FREM1: variants seen among roughly 807,000 people sequenced by gnomAD.
The protein encoded by FREM1 is FRAS1 related extracellular matrix 1.
A neutral mutation model predicts 210.1 loss-of-function variants in FREM1; 220 were observed. The observed-to-expected ratio is 1.05, with a 90% CI of 0.94 to 1.17. The LOEUF is 1.17. Among genes scored for constraint, FREM1 ranks in the 50% most tolerant of loss-of-function variants. The pLI is 0.00. For synonymous variants in FREM1, 1,189 were observed against 980.2 expected (o/e 1.21, Z -3.98); for missense variants, 3,454 against 2,675.5 (o/e 1.29, Z -6.42).
At chr9:14,898,344 C>T (rs889956186) in intron 1 of FREM1, among the ~76,000 whole-genome samples, 1 of 152,216 alleles carries the variant, frequency 6.6e-6, no homozygotes, top group African/African-American at 2.4e-5. Flanking sequence ...AGTTCCCTTC[C>T]TGCCCCTTTC....
chr9:14,812,542 A>T (rs147958708), intron 16 of FREM1, among the ~76,000 whole-genome samples: 40 of 152,306 alleles, frequency 2.6e-4, no homozygotes, highest in African/African-American at 9.6e-4. Flanking sequence ...AAGGAGAATC[A>T]TAGGGTGAAT....
intron 13 of FREM1, among the ~76,000 whole-genome samples, chr9:14,821,811 T>A (rs1821371493): frequency 6.6e-6 from 1 of 152,228 alleles, no homozygotes; most frequent in Non-Finnish European, 1.5e-5. Context: ...TAAATTTTAT[T>A]AGATCTGCCA....
intron 10 of FREM1, among the ~76,000 whole-genome samples, chr9:14,830,011 A>G (rs1199166155): frequency 6.6e-6 from 1 of 152,328 alleles, no homozygotes; most frequent in African/African-American, 2.4e-5. Flanking sequence ...AAACATGCCC[A>G]GAGGAGAGAA....
chr9:14,868,911 G>A lies in FREM1; in HGVS notation c.67C>T (p.Pro23Ser). ...CCGCGGTTGATGCTGATGAAGGTGG[G>A]GCTGGCCCAGGCCAGGAGGAGCAGC... ...LLLLLLAWAS[P>S]TFISINRGVR... Residue 23 changes from proline (P) to serine (S), a missense_variant, in exon 2 of 37, where the codon CCC (proline) becomes TCC (serine). Coordinates refer to ENST00000380880, the MANE Select transcript of FREM1 (RefSeq NM_001379081.2). The A allele has an allele frequency of 1.9e-6, 3 of 1,604,924 alleles. No homozygotes were observed. Among genetic ancestry groups the A allele is most frequent in the Non-Finnish European group, 2.6e-6 (3 of 1,176,318 alleles).
chr9:14,900,133 G>A (rs914258819), intron 1 of FREM1, among the ~76,000 whole-genome samples: 4 of 152,114 alleles, frequency 2.6e-5, no homozygotes, highest in Admixed American at 6.5e-5. Flanking sequence ...CTGGGTCTGC[G>A]CTATTAATGA....
intron 34 of FREM1, 59 bp from the exon 35 acceptor site, chr9:14,746,527 A>G: frequency 2.3e-6 from 3 of 1,321,978 alleles, no homozygotes; most frequent in Non-Finnish European, 3.3e-6. Flanking sequence ...GAGTTGGTTC[A>G]GCATAAGGAG....
chr9:14,853,717 C>T (rs1272687497), intron 5 of FREM1, among the ~76,000 whole-genome samples: 2 of 152,208 alleles, frequency 1.3e-5, no homozygotes, highest in Non-Finnish European at 2.9e-5. Flanking sequence ...TCAACCCCTT[C>T]CCTTCCCACT....
In FREM1 at chr9:14,846,546, G is replaced by A. The variant is rs1826657730; in HGVS notation, c.1262-455C>T. Among the ~76,000 whole-genome samples the A allele has an allele frequency of 2.6e-5, 4 of 152,176 alleles. No individual in the cohort carries two copies. The East Asian group carries it at 5.8e-4, about 22-fold the overall frequency. On this transcript the variant is annotated intron_variant, in intron 7 of 36. Coordinates refer to ENST00000380880, the MANE Select transcript of FREM1 (RefSeq NM_001379081.2). ...TTTTTTAAAAAAAGATAAGAAAAGG[G>A]TATTGGCAAGTTCTATGACATGCCA...
At chr9:14,833,849 A>C (rs1330783355) in intron 10 of FREM1, among the ~76,000 whole-genome samples, 1 of 152,150 alleles carries the variant, frequency 6.6e-6, no homozygotes, top group Non-Finnish European at 1.5e-5. Context: ...ACCACTCTTA[A>C]TGCATGCCTG....
intron 5 of FREM1, 61 bp from the exon 6 acceptor site, chr9:14,851,668 G>C (rs1382444307): frequency 4.1e-6 from 5 of 1,221,320 alleles, no homozygotes; most frequent in Non-Finnish European, 6.1e-6. Context: ...ATATCATACA[G>C]GGCTAATAGC....
intron 13 of FREM1, among the ~76,000 whole-genome samples, chr9:14,821,309 T>C (rs1166667933): frequency 6.6e-6 from 1 of 151,976 alleles, no homozygotes; most frequent in Non-Finnish European, 1.5e-5. Context: ...AAAGAGAAGC[T>C]ACCCTGCCAT....
intron 1 of FREM1, among the ~76,000 whole-genome samples, chr9:14,881,863 G>A (rs948293239): frequency 1.3e-5 from 2 of 152,206 alleles, no homozygotes; most frequent in Non-Finnish European, 2.9e-5. Context: ...CCTCCTTTAA[G>A]AGGTAGTTAC....
intron 10 of FREM1, among the ~76,000 whole-genome samples, chr9:14,837,516 A>C (rs917526081): frequency 2.0e-5 from 3 of 152,130 alleles, no homozygotes; most frequent in African/African-American, 7.2e-5. Context: ...ACAGGGGTAT[A>C]AAAAAGCATG....
At position 14,792,742 on chromosome 9, in the gene FREM1, C is replaced by T; in HGVS notation, c.3981+1G>A. 1 of 1,592,580 alleles carries T rather than the reference C, an allele frequency of 6.3e-7. No individual in the cohort carries two copies. On this transcript the variant is annotated splice_donor_variant, in intron 22 of 36. Transcript: ENST00000380880. LOFTEE classifies it high-confidence loss of function. Reference sequence around the variant, plus strand: ...AAAAATAAAAGTAAGAAGTCACTAACCTTAAGCTGAAGTTGCCCATTTTGG... The same window carrying T: ...AAAAATAAAAGTAAGAAGTCACTAATCTTAAGCTGAAGTTGCCCATTTTGG...
At chr9:14,815,845 G>T (rs186412752) in intron 15 of FREM1, among the ~76,000 whole-genome samples, 3 of 152,050 alleles carry the variant, frequency 2.0e-5, no homozygotes, top group Non-Finnish European at 4.4e-5. Flanking sequence ...ACAGGGTTTC[G>T]CCATTTTGGA....
rs112719022 is a variant in FREM1, at chr9:14,775,310, T to C, written c.4857+479A>G. Among the ~76,000 whole-genome samples the C allele has an allele frequency of 3.4e-3, 513 of 152,304 alleles. 5 individuals carry two copies. The highest frequency in any genetic ancestry group is 0.012 in the African/African-American group (481 of 41,560). The stretch of plus-strand genomic sequence containing the variant: ...TACCATCAACACTCACGGTCAGTCA[T>C]TAGCACCTATGAGGGGACCATATCT... On this transcript the variant is annotated intron_variant, in intron 25 of 36. Coordinates refer to ENST00000380880, the MANE Select transcript of FREM1 (RefSeq NM_001379081.2).
At chr9:14,765,003 T>C (rs1846134351) in intron 27 of FREM1, among the ~76,000 whole-genome samples, 1 of 152,180 alleles carries the variant, frequency 6.6e-6, no homozygotes, top group Non-Finnish European at 1.5e-5. Context: ...TCAAAGGGGT[T>C]AAGTGAACCT....
chr9:14,776,868 G>C (rs1848682296), intron 24 of FREM1, among the ~76,000 whole-genome samples: 1 of 152,158 alleles, frequency 6.6e-6, no homozygotes, highest in Non-Finnish European at 1.5e-5. Flanking sequence ...ATGACGGGAG[G>C]CTCTAATCTC....
intron 3 of FREM1, 101 bp from the exon 4 acceptor site, chr9:14,859,585 T>C: frequency 4.2e-6 from 4 of 949,552 alleles, no homozygotes; most frequent in Non-Finnish European, 6.3e-6. Context: ...TCACCAAATT[T>C]GTGCCACAGA....
Sources: allele counts gnomAD v4.1 joint callset (sites outside exome capture counted in the v4.1 genomes callset), GRCh38; gene constraint gnomAD v4.1.1; transcripts MANE v1.5; gene names NCBI Gene and HGNC (gene_info 2026-07-23, HGNC 2026-07-21).